TTC7A: variants seen among roughly 807,000 people sequenced by gnomAD.
TTC7A encodes tetratricopeptide repeat protein 7A.
In TTC7A, 110 loss-of-function variants were observed where a neutral mutation model predicts 103.7. That is an observed-to-expected ratio of 1.06 (90% CI 0.91 to 1.24). TTC7A has a LOEUF of 1.24. Ranked by LOEUF, TTC7A falls within the 50% of genes most tolerant of loss-of-function variation. TTC7A has a pLI of 0.00. For missense variants in TTC7A, 1,340 were observed against 1,116.3 expected (o/e 1.20, Z -2.86); for synonymous variants, 521 against 467.9 (o/e 1.11, Z -1.47).
chr2:46,951,013 T>A (rs1443742164), intron 2 of TTC7A, among the ~76,000 whole-genome samples: 1 of 152,234 alleles, frequency 6.6e-6, no homozygotes, highest in Non-Finnish European at 1.5e-5. Flanking sequence ...TTGGGCTCCT[T>A]GGGTCAGGGG....
chr2:46,978,562 T>TAAAAA (rs74444627), intron 4 of TTC7A, among the ~76,000 whole-genome samples: 1 of 132,746 alleles, frequency 7.5e-6, no homozygotes, highest in Non-Finnish European at 1.6e-5. Flanking sequence ...CCCTGTTTCT[T>TAAAAA]AAAAAAAAAA....
chr2:46,979,840 TAGAC>T (rs969942535), intron 5 of TTC7A, among the ~76,000 whole-genome samples: 2 of 152,142 alleles, frequency 1.3e-5, no homozygotes, highest in African/African-American at 4.8e-5. Context: ...ATTACAACCT[TAGAC>T]AGACACAGTG....
At chr2:47,045,192 G>C (rs919199516) in intron 15 of TTC7A, among the ~76,000 whole-genome samples, 1 of 152,188 alleles carries the variant, frequency 6.6e-6, no homozygotes, top group African/African-American at 2.4e-5. Context: ...CTCTTCGCAG[G>C]CTGCCCAGGC....
intron 3 of TTC7A, among the ~76,000 whole-genome samples, chr2:46,962,117 C>G (rs993228331): frequency 6.6e-6 from 1 of 152,160 alleles, no homozygotes; most frequent in Non-Finnish European, 1.5e-5. Context: ...CTCTCCTTTC[C>G]TGAAGCCCCA....
At chr2:46,981,221 C>T (rs1214999462) in intron 5 of TTC7A, among the ~76,000 whole-genome samples, 1 of 146,068 alleles carries the variant, frequency 6.8e-6, no homozygotes, top group Non-Finnish European at 1.5e-5. Context: ...TGTGTAGATA[C>T]ACAGATGTAT....
At chr2:46,995,915 A>C (rs979153212) in intron 8 of TTC7A, among the ~76,000 whole-genome samples, 1 of 152,264 alleles carries the variant, frequency 6.6e-6, no homozygotes, top group African/African-American at 2.4e-5. Flanking sequence ...CGTGAATGCT[A>C]TGGGAAAAGA....
chr2:47,060,917 G>A lies in TTC7A; in HGVS notation c.2301G>A (p.Leu767=), dbSNP rs765250275. Residue 767 remains leucine (L), a synonymous_variant, in exon 19 of 20, where the codon CTG becomes CTA. Coordinates refer to ENST00000319190, the MANE Select transcript of TTC7A (RefSeq NM_020458.4). The part of the protein sequence containing the change: ...VKGNLEEAKQ[L]YKEALTVNPD... ...GCAACCTGGAGGAGGCCAAGCAGCTGTACAAGGAGGCGCTCACGGTGAACC... is the reference window on the plus strand; with the variant it reads ...GCAACCTGGAGGAGGCCAAGCAGCTATACAAGGAGGCGCTCACGGTGAACC... 6.2e-7 allele frequency: 1 copy of A among 1,614,032 alleles called. No individual in the cohort carries two copies. Among genetic ancestry groups the A allele is most frequent in the Non-Finnish European group, 8.5e-7 (1 of 1,180,008 alleles).
intron 2 of TTC7A, among the ~76,000 whole-genome samples, chr2:46,922,676 C>T (rs545378887): frequency 1.3e-5 from 2 of 152,074 alleles, no homozygotes; most frequent in South Asian, 4.2e-4. Context: ...CTCAGAGTTT[C>T]TCCCATTCTC....
At chr2:47,061,910 A>G (rs1026594073) in intron 19 of TTC7A, among the ~76,000 whole-genome samples, 63 of 152,332 alleles carry the variant, frequency 4.1e-4, no homozygotes, top group African/African-American at 1.3e-3. Flanking sequence ...GTTAGCAACA[A>G]TCTTTCCCTC....
chr2:46,962,988 T>C (rs1184805519), intron 3 of TTC7A, among the ~76,000 whole-genome samples: 1 of 152,364 alleles, frequency 6.6e-6, no homozygotes, highest in African/African-American at 2.4e-5. Flanking sequence ...AAAGATGGTG[T>C]TGACTTCAAG....
At chr2:47,051,962 T>C (rs1003257154) in intron 18 of TTC7A, 82 bp downstream of exon 18, 5 of 1,491,066 alleles carry the variant, frequency 3.4e-6, no homozygotes, top group Middle Eastern at 2.4e-4. Flanking sequence ...GAGAAGGGAG[T>C]GTGGGGAGGT....
chr2:46,969,583 T>G (rs1673173627), intron 3 of TTC7A, among the ~76,000 whole-genome samples: 1 of 152,062 alleles, frequency 6.6e-6, no homozygotes. Flanking sequence ...GCCCAGCTAA[T>G]TTTTGTATTT....
At chr2:47,026,814 T>A (rs1375211965) in intron 14 of TTC7A, among the ~76,000 whole-genome samples, 1 of 152,188 alleles carries the variant, frequency 6.6e-6, no homozygotes, top group Non-Finnish European at 1.5e-5. Context: ...TATCCTCGTT[T>A]TGTAGCAGAG....
upstream of TTC7A, among the ~76,000 whole-genome samples, chr2:46,938,249 A>G (rs1166056609): frequency 6.6e-6 from 1 of 152,248 alleles, no homozygotes; most frequent in Non-Finnish European, 1.5e-5. Flanking sequence ...CCCACAAGGA[A>G]ACATTTCTCT....
Position 47,072,298 on chromosome 2 carries a change from C to T in TTC7A, c.2356-1404C>T, listed in dbSNP as rs114786899. Reference sequence around the variant, plus strand: ...CCTCATCCGTGTGTGTGGTTCCTTGCTACGGCTTTGCCCAGGGCTGACAGA... The same window carrying T: ...CCTCATCCGTGTGTGTGGTTCCTTGTTACGGCTTTGCCCAGGGCTGACAGA... On this transcript the variant is annotated intron_variant, in intron 19 of 19. Transcript: ENST00000319190. Among the ~76,000 whole-genome samples the T allele has an allele frequency of 4.7e-3, 718 of 152,344 alleles. 6 individuals are homozygous for T. Among genetic ancestry groups the T allele is most frequent in the Non-Finnish European group, 7.8e-3 (529 of 68,030 alleles).
At chr2:47,060,240 C>T (rs572334042) in intron 18 of TTC7A, among the ~76,000 whole-genome samples, 19 of 152,154 alleles carry the variant, frequency 1.2e-4, no homozygotes, top group Middle Eastern at 3.4e-3. Flanking sequence ...CGTGGTGGTG[C>T]GTGCCTGTAA....
At chr2:46,948,220 T>C in intron 1 of TTC7A, among the ~76,000 whole-genome samples, 1 of 152,106 alleles carries the variant, frequency 6.6e-6, no homozygotes, top group East Asian at 1.9e-4. Context: ...TGTGTTTCCC[T>C]CTTTAGGCTC....
chr2:47,015,404 C>T (rs1678532457), intron 11 of TTC7A, among the ~76,000 whole-genome samples: 2 of 152,216 alleles, frequency 1.3e-5, no homozygotes, highest in South Asian at 4.1e-4. Flanking sequence ...GGAAAGGTCT[C>T]TGATGCCATC....
intron 3 of TTC7A, chr2:46,958,443 A>G: frequency 7.8e-7 from 1 of 1,281,934 alleles, no homozygotes; most frequent in Non-Finnish European, 1.0e-6. Flanking sequence ...CTTTCTCCTG[A>G]GCCTGGCTCA....
Sources: allele counts gnomAD v4.1 joint callset (sites outside exome capture counted in the v4.1 genomes callset), GRCh38; gene constraint gnomAD v4.1.1; transcripts MANE v1.5; gene names NCBI Gene and HGNC (gene_info 2026-07-23, HGNC 2026-07-21).